The following SCN8A variants were observed in gnomAD, a reference collection of about 807,000 sequenced individuals.
SCN8A encodes sodium channel protein type 8 subunit alpha.
In SCN8A, 30 loss-of-function variants were observed where a neutral mutation model predicts 184.1. That is an observed-to-expected ratio of 0.16 (90% CI 0.12 to 0.22). The LOEUF is 0.22. SCN8A is among the 10% of genes least tolerant of loss of function. The probability of loss-of-function intolerance (pLI) is 1.00; values close to 1 mark genes in which losing one functional copy is unlikely to be tolerated. For synonymous variants in SCN8A, 852 were observed against 907.0 expected, an observed-to-expected ratio of 0.94 and a Z score of 1.09; for missense variants, 1,057 against 2,498.9, an observed-to-expected ratio of 0.42 and a Z score of 12.30.
chr12:51,802,781 G>A (rs558064401), intron 26 of SCN8A, among the ~76,000 whole-genome samples: 3 of 152,272 alleles, frequency 2.0e-5, no homozygotes, highest in South Asian at 4.1e-4. Flanking sequence ...TCTCAAGAAC[G>A]ACGAATCAGG....
intron 1 of SCN8A, among the ~76,000 whole-genome samples, chr12:51,644,093 A>G (rs1185663256): frequency 1.3e-5 from 2 of 152,188 alleles, no homozygotes; most frequent in Non-Finnish European, 2.9e-5. Context: ...TTAAGCCTCT[A>G]TGTTTTTTGA....
intron 8 of SCN8A, among the ~76,000 whole-genome samples, chr12:51,702,491 A>T (rs1159536287): frequency 6.6e-6 from 1 of 152,202 alleles, no homozygotes; most frequent in Non-Finnish European, 1.5e-5. Flanking sequence ...AGATTCATAG[A>T]TCCCATATCC....
chr12:51,811,766 G>A lies in SCN8A; in HGVS notation c.*4337G>A, dbSNP rs1446742604. On this transcript the variant is annotated 3_prime_UTR_variant, in exon 27 of 27. Coordinates refer to ENST00000627620, the MANE Select transcript of SCN8A (RefSeq NM_001330260.2). ...CGCTCCAGTAGCTCCACTCTGGAGC[G>A]AGATGGCTGGTAGGTCAGTCCCCAT... 2 of 152,518 alleles carry A rather than the reference G, an allele frequency of 1.3e-5. No individual in the cohort carries two copies. Among genetic ancestry groups the A allele is most frequent in the African/African-American group, 2.4e-5 (1 of 41,578 alleles). 9.4% of individuals were successfully genotyped at this position (152,518 alleles called of 1,614,324 possible). A position where few individuals can be genotyped will look rare whatever the true frequency, so the allele number is the denominator to read the frequency against.
chr12:51,604,428 G>A (rs1939537855), intron 1 of SCN8A, among the ~76,000 whole-genome samples: 1 of 152,054 alleles, frequency 6.6e-6, no homozygotes. Context: ...GTCTGTATGT[G>A]TGTCTGCGCC....
chr12:51,631,980 CT>C (rs1940205562), intron 1 of SCN8A, among the ~76,000 whole-genome samples: 1 of 152,186 alleles, frequency 6.6e-6, no homozygotes, highest in African/African-American at 2.4e-5. Context: ...ACTCCCCTGT[CT>C]AATATAGGAG....
chr12:51,724,960 G>C (rs1942133695), intron 12 of SCN8A, among the ~76,000 whole-genome samples: 1 of 152,128 alleles, frequency 6.6e-6, no homozygotes, highest in African/African-American at 2.4e-5. Flanking sequence ...GCTTTACACT[G>C]TGGTCTATAA....
chr12:51,648,434 A>G (rs1350016113), intron 1 of SCN8A, among the ~76,000 whole-genome samples: 6 of 152,138 alleles, frequency 3.9e-5, no homozygotes, highest in Non-Finnish European at 8.8e-5. Context: ...CACTTTCTCT[A>G]TTCTTGAAAT....
chr12:51,740,824 A>G (rs1942410340), intron 12 of SCN8A, among the ~76,000 whole-genome samples: 2 of 152,158 alleles, frequency 1.3e-5, no homozygotes, highest in South Asian at 2.1e-4. Flanking sequence ...TTGCTCTGTT[A>G]TCCAGGTTGG....
intron 13 of SCN8A, among the ~76,000 whole-genome samples, chr12:51,749,586 C>G (rs906568536): frequency 2.0e-5 from 3 of 152,084 alleles, no homozygotes; most frequent in African/African-American, 7.2e-5. Flanking sequence ...GAGGAAGAAG[C>G]CACAGCAGAT....
intron 12 of SCN8A, among the ~76,000 whole-genome samples, chr12:51,741,359 T>C (rs1402775477): frequency 2.0e-5 from 3 of 152,220 alleles, no homozygotes; most frequent in South Asian, 2.1e-4. Flanking sequence ...TCTTTATAGG[T>C]GAAGTGTGTT....
intron 12 of SCN8A, among the ~76,000 whole-genome samples, chr12:51,741,652 G>A (rs953668783): frequency 6.6e-6 from 1 of 151,836 alleles, no homozygotes; most frequent in Non-Finnish European, 1.5e-5. Flanking sequence ...TCAATTCGAG[G>A]CTACCATGAG....
chr12:51,604,668 C>CA (rs1178843167), intron 1 of SCN8A, among the ~76,000 whole-genome samples: 1 of 152,126 alleles, frequency 6.6e-6, no homozygotes, highest in African/African-American at 2.4e-5. Flanking sequence ...GCTGGGATTA[C>CA]AGGCATGCGC....
chr12:51,706,719 A>G lies in SCN8A; in HGVS notation c.1635+4A>G. The G allele has an allele frequency of 1.3e-6, 2 of 1,516,564 alleles. No individual in the cohort carries two copies. The highest frequency in any genetic ancestry group is 1.8e-6 in the Non-Finnish European group (2 of 1,137,554). 93.9% of individuals were successfully genotyped at this position (1,516,564 alleles called of 1,614,324 possible). Reference sequence around the variant, plus strand: ...GAAATTTTCCATCATGAATCAGGTAAACTCTTCTTTTTTCTATACCTTTTT... The same window carrying G: ...GAAATTTTCCATCATGAATCAGGTAGACTCTTCTTTTTTCTATACCTTTTT... On this transcript the variant is annotated splice_donor_region_variant and intron_variant, in intron 11 of 26. Transcript: ENST00000627620.
chr12:51,769,195 A>G lies in SCN8A; in HGVS notation c.3232A>G (p.Ile1078Val). The change falls in exon 17 of 27, where the codon ATC (isoleucine) becomes GTC (valine). Residue 1078 changes from isoleucine to valine, a missense_variant. Ile to Val is a conservative substitution (Grantham distance 29, BLOSUM62 3). Around this residue, in one of 19 missense-constraint regions of SCN8A, gnomAD observed 178 missense variants for 259.6 expected, o/e 0.69. Coordinates refer to ENST00000627620, the MANE Select transcript of SCN8A (RefSeq NM_001330260.2). ...SGIGSSVEKY[I>V]IDEDHMSFIN... ...CATTGGCAGCAGCGTGGAGAAGTAC[A>G]TCATTGATGAGGACCACATGTCCTT... The G allele has an allele frequency of 6.2e-7, 1 of 1,613,982 alleles. No homozygotes were observed.
At chr12:51,623,808 C>T (rs569131076) in intron 1 of SCN8A, among the ~76,000 whole-genome samples, 1 of 152,234 alleles carries the variant, frequency 6.6e-6, no homozygotes, top group Admixed American at 6.5e-5. Context: ...TGTTCCCCTT[C>T]CTGTGTCCAT....
At chr12:51,593,227 TG>T (rs1939270738) in intron 1 of SCN8A, among the ~76,000 whole-genome samples, 2 of 152,296 alleles carry the variant, frequency 1.3e-5, no homozygotes, top group East Asian at 3.9e-4. Flanking sequence ...ACGCATTCCC[TG>T]TCCTAGAAAT....
intron 2 of SCN8A, among the ~76,000 whole-genome samples, chr12:51,668,364 C>G (rs984236962): frequency 6.6e-6 from 1 of 152,058 alleles, no homozygotes; most frequent in African/African-American, 2.4e-5. Flanking sequence ...AGGTGAAGTA[C>G]TTTGTCAAAA....
Position 51,599,896 on chromosome 12 carries a change from T to C in SCN8A, c.-55+8537T>C, listed in dbSNP as rs114706344. On this transcript the variant is annotated intron_variant, in intron 1 of 26. Transcript: ENST00000627620. ...CTCAGTAGAACTCAGTGAATGACTT[T>C]ACATGGGAGAAAAGGGAGAGGGAAT... Among the ~76,000 whole-genome samples, 484 of 152,324 alleles carry C rather than the reference T, an allele frequency of 3.2e-3. 2 individuals carry two copies. Among genetic ancestry groups the C allele is most frequent in the African/African-American group, 0.011 (471 of 41,576 alleles).
chr12:51,640,991 A>C (rs1303810280), intron 1 of SCN8A, among the ~76,000 whole-genome samples: 1 of 152,240 alleles, frequency 6.6e-6, no homozygotes, highest in Non-Finnish European at 1.5e-5. Flanking sequence ...AAAGTGTAAG[A>C]GTAAGTTTTG....
Sources: gnomAD v4.1 joint callset for allele counts (sites outside exome capture counted in the v4.1 genomes callset) on GRCh38, gnomAD v4.1.1 for gene constraint, gnomAD v4.1.1 regional missense constraint, MANE v1.5 for transcripts, NCBI Gene and HGNC (gene_info 2026-07-23, HGNC 2026-07-21) for gene names.